Variants in FHIP2A observed in about 807,000 individuals in gnomAD.
The protein encoded by FHIP2A is family with sequence similarity 160 member B1.
A neutral mutation model predicts 93.5 loss-of-function variants in FHIP2A; 46 were observed. The ratio of observed to expected loss-of-function variants is 0.49; its 90% confidence interval spans 0.39 to 0.63. The LOEUF (loss-of-function observed/expected upper bound fraction) is 0.63, where lower values mean the gene tolerates loss of function less well. Ranked by LOEUF, FHIP2A falls within the 20% of genes least tolerant of loss-of-function variation. The pLI is 0.00. For synonymous variants in FHIP2A, 332 were observed against 326.5 expected (o/e 1.02, Z -0.18); for missense variants, 769 against 909.7 (o/e 0.85, Z 1.99).
At chr10:114,861,048 AAAT>A (rs1390266108) in intron 15 of FHIP2A, among the ~76,000 whole-genome samples, 159 bp downstream of exon 15, 1 of 152,248 alleles carries the variant, frequency 6.6e-6, no homozygotes, top group Non-Finnish European at 1.5e-5. Context: ...CAATTATTTT[AAAT>A]AATATGTAAC....
intron 12 of FHIP2A, among the ~76,000 whole-genome samples, chr10:114,848,130 G>A (rs1430094766): frequency 6.6e-6 from 1 of 151,884 alleles, no homozygotes; most frequent in Admixed American, 6.6e-5. Context: ...CCTTTTCTGT[G>A]GCAATTTTTT....
chr10:114,874,491 A>G (rs1388165006), intron 16 of FHIP2A, among the ~76,000 whole-genome samples: 1 of 152,050 alleles, frequency 6.6e-6, no homozygotes, highest in African/African-American at 2.4e-5. Flanking sequence ...TGTATAACCT[A>G]TTTTAGTATT....
chr10:114,859,120 A>G (rs933009961), intron 14 of FHIP2A, among the ~76,000 whole-genome samples: 2 of 152,186 alleles, frequency 1.3e-5, no homozygotes, highest in South Asian at 2.1e-4. Context: ...GCTTACAGCT[A>G]GGTTTTGAAA....
chr10:114,849,287 G>A (rs899290993), intron 13 of FHIP2A, among the ~76,000 whole-genome samples: 7 of 151,822 alleles, frequency 4.6e-5, no homozygotes, highest in East Asian at 1.9e-4. Context: ...TATCTCACCC[G>A]GATCCATTTC....
At chr10:114,822,710 C>G (rs969786608) in intron 1 of FHIP2A, among the ~76,000 whole-genome samples, 3 of 152,192 alleles carry the variant, frequency 2.0e-5, no homozygotes, top group Non-Finnish European at 4.4e-5. Context: ...GCCTGGAGGC[C>G]GAACTCAGCT....
chr10:114,880,115 C>T (rs2083909519), intron 16 of FHIP2A, among the ~76,000 whole-genome samples: 1 of 152,186 alleles, frequency 6.6e-6, no homozygotes, highest in South Asian at 2.1e-4. Flanking sequence ...TATACGATCA[C>T]ACAGTGCATG....
intron 5 of FHIP2A, among the ~76,000 whole-genome samples, chr10:114,842,462 A>G (rs1326597284): frequency 6.6e-6 from 1 of 152,172 alleles, no homozygotes; most frequent in African/African-American, 2.4e-5. Context: ...CCTTCAGTCT[A>G]ATGCTGGTAA....
downstream of FHIP2A, among the ~76,000 whole-genome samples, chr10:114,869,145 T>G (rs2083844931): frequency 6.6e-6 from 1 of 152,182 alleles, no homozygotes; most frequent in African/African-American, 2.4e-5. Context: ...AAAGCTATAT[T>G]TCAAATCCCT....
chr10:114,833,702 A>G (rs1187366263), intron 3 of FHIP2A, among the ~76,000 whole-genome samples: 2 of 152,232 alleles, frequency 1.3e-5, no homozygotes, highest in Non-Finnish European at 2.9e-5. Flanking sequence ...GAAGGAAGTC[A>G]GTTAAAATAG....
intron 16 of FHIP2A, among the ~76,000 whole-genome samples, chr10:114,879,730 T>C (rs2083907459): frequency 2.0e-5 from 3 of 152,166 alleles, no homozygotes; most frequent in African/African-American, 7.2e-5. Flanking sequence ...TCTCGCTCTG[T>C]CACCCAGGCT....
At chr10:114,851,449 G>T (rs1486849648) in intron 13 of FHIP2A, among the ~76,000 whole-genome samples, 1 of 151,932 alleles carries the variant, frequency 6.6e-6, no homozygotes, top group Admixed American at 6.6e-5. Context: ...ACATCCAGTT[G>T]TCTCTGCAGC....
intron 16 of FHIP2A, among the ~76,000 whole-genome samples, chr10:114,876,003 A>G: frequency 6.7e-6 from 1 of 148,664 alleles, no homozygotes; most frequent in African/African-American, 2.6e-5. Flanking sequence ...AGAAAAAGAA[A>G]GAGAAAGAAA....
intron 7 of FHIP2A, among the ~76,000 whole-genome samples, chr10:114,844,245 C>T (rs1325527506): frequency 3.9e-5 from 6 of 152,136 alleles, no homozygotes; most frequent in African/African-American, 1.4e-4. Flanking sequence ...GAAGGAATCT[C>T]CTTTTAAAAT....
At chr10:114,851,574 C>G (rs990727236) in intron 13 of FHIP2A, among the ~76,000 whole-genome samples, 4 of 152,054 alleles carry the variant, frequency 2.6e-5, no homozygotes, top group African/African-American at 9.7e-5. Context: ...ACCACCCTGT[C>G]TCGGTTACTG....
intron 5 of FHIP2A, among the ~76,000 whole-genome samples, chr10:114,841,327 CTG>C (rs1407567292): frequency 6.9e-5 from 9 of 130,408 alleles, no homozygotes; most frequent in Non-Finnish European, 1.2e-4. Context: ...GAGTCTTGCT[CTG>C]TTGCCCAGGC....
At chr10:114,891,537 ATGTG>A (rs34032569) in intron 16 of FHIP2A, among the ~76,000 whole-genome samples, 4,475 of 137,144 alleles carry the variant, frequency 0.033, 123 homozygotes, top group African/African-American at 0.077. Flanking sequence ...ATATATATAT[ATGTG>A]TGTGTGTGTG....
Position 114,850,473 on chromosome 10 carries a change from A to G in FHIP2A, c.1803+1736A>G, listed in dbSNP as rs189604328. ...GTAACCCCAGCACTTTGGGAGGCCA[A>G]GGTGGAAGGATCACTTGAAGCCAGA... On this transcript the variant is annotated intron_variant, in intron 13 of 16. Transcript: ENST00000369248. Among the ~76,000 whole-genome samples, 253 of 152,336 alleles carry G rather than the reference A, an allele frequency of 1.7e-3. 1 individual carries two copies. The highest frequency in any genetic ancestry group is 6.8e-3 in the Middle Eastern group (2 of 294).
At chr10:114,898,071 G>A (rs2143016795) in intron 16 of FHIP2A, among the ~76,000 whole-genome samples, 1 of 152,266 alleles carries the variant, frequency 6.6e-6, no homozygotes, top group African/African-American at 2.4e-5. Context: ...TCATGAAGGA[G>A]TTCAAATGTT....
At position 114,822,050 on chromosome 10, in the gene FHIP2A, G is replaced by T; in HGVS notation, c.-29G>T. The T allele has an allele frequency of 7.8e-7, 1 of 1,275,588 alleles. No individual in the cohort carries two copies. Among genetic ancestry groups the T allele is most frequent in the East Asian group, 3.4e-5 (1 of 29,624 alleles). 79.0% of individuals were successfully genotyped at this position (1,275,588 alleles called of 1,614,324 possible). A position where few individuals can be genotyped will look rare whatever the true frequency, so the allele number is the denominator to read the frequency against. On this transcript the variant is annotated 5_prime_UTR_variant, in exon 1 of 17. Coordinates refer to ENST00000369248, the MANE Select transcript of FHIP2A (RefSeq NM_020940.4). ...ATCGAGGAGCTCTCCAGGTCGTCCC[G>T]GGAGAGGCTGCTGCAGTCCCGGGAC...
Sources: allele counts gnomAD v4.1 joint callset (sites outside exome capture counted in the v4.1 genomes callset), GRCh38; gene constraint gnomAD v4.1.1; transcripts MANE v1.5; gene names NCBI Gene and HGNC (gene_info 2026-07-23, HGNC 2026-07-21).